SLC2A12: variants seen among roughly 807,000 people sequenced by gnomAD.
The protein encoded by SLC2A12 is solute carrier family 2 member 12.
A neutral mutation model predicts 41.8 loss-of-function variants in SLC2A12; 23 were observed. That is an observed-to-expected ratio of 0.55 (90% CI 0.40 to 0.78). SLC2A12 has a LOEUF of 0.78. SLC2A12 is among the 30% of genes least tolerant of loss of function. The probability of loss-of-function intolerance (pLI) is 0.00; values close to 1 mark genes in which losing one functional copy is unlikely to be tolerated. For synonymous variants in SLC2A12, 295 were observed against 285.9 expected (o/e 1.03, Z -0.32); for missense variants, 654 against 745.6 (o/e 0.88, Z 1.43).
At chr6:134,022,573 GA>G (rs754610697) in intron 2 of SLC2A12, among the ~76,000 whole-genome samples, 3 of 103,186 alleles carry the variant, frequency 2.9e-5, no homozygotes, top group Non-Finnish European at 5.8e-5. Context: ...GAAAAGAAAA[GA>G]AAAGAAAAGA....
intron 1 of SLC2A12, among the ~76,000 whole-genome samples, chr6:134,047,871 T>C (rs1405776990): frequency 6.6e-6 from 1 of 152,220 alleles, no homozygotes; most frequent in Non-Finnish European, 1.5e-5. Context: ...CCGGCTGCTC[T>C]CAGGCTGGCT....
chr6:134,017,968 C>G (rs1184263586), intron 2 of SLC2A12, among the ~76,000 whole-genome samples: 1 of 151,858 alleles, frequency 6.6e-6, no homozygotes, highest in African/African-American at 2.4e-5. Context: ...TGTCTGGTTT[C>G]CTAGGAAGCC....
Position 133,988,869 on chromosome 6 carries a change from T to G in SLC2A12, c.*2286A>C, listed in dbSNP as rs1402898139. On this transcript the variant is annotated 3_prime_UTR_variant, in exon 5 of 5. Coordinates refer to ENST00000275230, the MANE Select transcript of SLC2A12 (RefSeq NM_145176.3). Reference sequence around the variant, plus strand: ...TTTTTCATTTAGTTTTAATTAACAGTAATAAGTCACCTCCTGTTTTTCAAT... The same window carrying G: ...TTTTTCATTTAGTTTTAATTAACAGGAATAAGTCACCTCCTGTTTTTCAAT... 1 of 152,146 alleles carries G rather than the reference T, an allele frequency of 6.6e-6. No individual in the cohort carries two copies. 9.4% of individuals were successfully genotyped at this position (152,146 alleles called of 1,614,324 possible). A position where few individuals can be genotyped will look rare whatever the true frequency, so the allele number is the denominator to read the frequency against.
intron 1 of SLC2A12, among the ~76,000 whole-genome samples, chr6:134,034,239 C>A (rs1237596185): frequency 1.3e-5 from 2 of 152,164 alleles, no homozygotes; most frequent in South Asian, 4.1e-4. Context: ...GAACCCTAGT[C>A]CCACATGGAC....
chr6:134,028,741 C>T lies in SLC2A12; in HGVS notation c.1084G>A (p.Gly362Ser). The change falls in exon 2 of 5, where the codon GGC becomes AGC. Residue 362 changes from glycine (G) to serine (S), a missense_variant. Transcript: ENST00000275230. Reference sequence around the variant, plus strand: ...ATGTGGATGTTGAGATTTACGATGCCCATGGTCACCAACGAAGCTGCCATC... The same window carrying T: ...ATGTGGATGTTGAGATTTACGATGCTCATGGTCACCAACGAAGCTGCCATC... ...SVMAASLVTM[G>S]IVNLNIHMNF... 2 of 1,614,094 alleles carry T rather than the reference C, an allele frequency of 1.2e-6. No individual in the cohort carries two copies. Among genetic ancestry groups the T allele is most frequent in the East Asian group, 2.2e-5 (1 of 44,874 alleles).
chr6:134,030,738 C>T (rs564979727), intron 1 of SLC2A12, among the ~76,000 whole-genome samples: 1 of 152,220 alleles, frequency 6.6e-6, no homozygotes, highest in African/African-American at 2.4e-5. Flanking sequence ...ACATTGTGAG[C>T]CTGGAGCGGT....
intron 1 of SLC2A12, among the ~76,000 whole-genome samples, chr6:134,035,346 A>C (rs1242997743): frequency 6.6e-6 from 1 of 152,006 alleles, no homozygotes; most frequent in Non-Finnish European, 1.5e-5. Context: ...AAACCTAAAA[A>C]GGTCACTCTC....
At chr6:134,007,258 G>A (rs1776826913) in intron 2 of SLC2A12, among the ~76,000 whole-genome samples, 1 of 152,258 alleles carries the variant, frequency 6.6e-6, no homozygotes, top group Non-Finnish European at 1.5e-5. Context: ...CTGCCTGGCA[G>A]CAACAAGAGA....
At chr6:134,030,334 G>C (rs1777186210) in intron 1 of SLC2A12, among the ~76,000 whole-genome samples, 1 of 152,114 alleles carries the variant, frequency 6.6e-6, no homozygotes, top group Admixed American at 6.6e-5. Flanking sequence ...GTGTGTGAAT[G>C]CCTTAACAAA....
chr6:134,036,788 AT>A (rs1353422586), intron 1 of SLC2A12, among the ~76,000 whole-genome samples: 4 of 152,208 alleles, frequency 2.6e-5, no homozygotes, highest in Non-Finnish European at 2.9e-5. Flanking sequence ...CTGAATAGCA[AT>A]CCATTAGCAT....
intron 2 of SLC2A12, among the ~76,000 whole-genome samples, chr6:134,021,093 AT>A (rs1219867186): frequency 6.6e-6 from 1 of 152,220 alleles, no homozygotes; most frequent in African/African-American, 2.4e-5. Flanking sequence ...TCAGAAAGAT[AT>A]TTTTTAAAAA....
intron 3 of SLC2A12, among the ~76,000 whole-genome samples, chr6:134,003,778 C>G (rs1006871328): frequency 6.6e-6 from 1 of 152,170 alleles, no homozygotes; most frequent in Non-Finnish European, 1.5e-5. Context: ...AGATGTTTTA[C>G]TCAGAGCTGA....
intron 2 of SLC2A12, among the ~76,000 whole-genome samples, chr6:134,027,058 G>A (rs1464319346): frequency 2.6e-5 from 4 of 152,204 alleles, no homozygotes; most frequent in African/African-American, 9.6e-5. Flanking sequence ...AAACCTGCTG[G>A]TTGCTGACCA....
chr6:133,999,856 A>G (rs958287639), intron 4 of SLC2A12, among the ~76,000 whole-genome samples: 1 of 152,190 alleles, frequency 6.6e-6, no homozygotes, highest in Admixed American at 6.6e-5. Context: ...ATAAGGAAGG[A>G]TGAGAAATGG....
intron 1 of SLC2A12, among the ~76,000 whole-genome samples, chr6:134,037,892 C>T (rs1777325447): frequency 6.6e-6 from 1 of 152,172 alleles, no homozygotes; most frequent in African/African-American, 2.4e-5. Flanking sequence ...AGGGAGAGTT[C>T]TGGTGTGGTG....
chr6:134,029,169 G>C lies in SLC2A12; in HGVS notation c.656C>G (p.Pro219Arg). 6.2e-7 allele frequency: 1 copy of C among 1,614,082 alleles called. No homozygotes were observed. The highest frequency in any genetic ancestry group is 8.5e-7 in the Non-Finnish European group (1 of 1,180,034). ...LQAIAMYFLP[P>R]SPRFLVMKGQ... is the part of the protein sequence containing the mutation. ...TTTCATCACCAGAAACCGAGGGCTT[G>C]GAGGAAGAAAATACATTGCAATTGC... Residue 219 changes from proline (P) to arginine (R), a missense_variant, in exon 2 of 5, where the codon CCA becomes CGA. By Grantham distance (103) the Pro-to-Arg change is moderately radical. Around this residue, in one of 3 missense-constraint regions of SLC2A12, gnomAD observed 411 missense variants for 412.1 expected, o/e 1.00. Coordinates refer to ENST00000275230, the MANE Select transcript of SLC2A12 (RefSeq NM_145176.3).
rs1777052067 is a variant in SLC2A12 at position 134,022,409 on chromosome 6, T to TA, written c.1444+5971dup. Among the ~76,000 whole-genome samples the TA allele has an allele frequency of 2.0e-5, 3 of 152,092 alleles. No individual in the cohort carries two copies. In the South Asian group the frequency reaches 6.2e-4, roughly 32 times the overall value. On this transcript the variant is annotated intron_variant, in intron 2 of 4. Coordinates refer to ENST00000275230, the MANE Select transcript of SLC2A12 (RefSeq NM_145176.3). Reference sequence around the variant, plus strand: ...AGCTGGGCATGGTGGCAGGTGCCTATAATCCCAGCTACTTGGGAGGCTGAG... The same window carrying TA: ...AGCTGGGCATGGTGGCAGGTGCCTATAAATCCCAGCTACTTGGGAGGCTGAG...
At chr6:134,030,289 G>T (rs1475801331) in intron 1 of SLC2A12, among the ~76,000 whole-genome samples, 2 of 152,148 alleles carry the variant, frequency 1.3e-5, no homozygotes, top group Non-Finnish European at 1.5e-5. Flanking sequence ...AACACATGAG[G>T]GTGTTGGGGC....
At chr6:134,042,678 C>A (rs1304336573) in intron 1 of SLC2A12, among the ~76,000 whole-genome samples, 1 of 152,126 alleles carries the variant, frequency 6.6e-6, no homozygotes, top group East Asian at 1.9e-4. Context: ...TTATAAGAAA[C>A]TCCTGGCTGG....
Sources: allele counts gnomAD v4.1 joint callset (sites outside exome capture counted in the v4.1 genomes callset), GRCh38; gene constraint gnomAD v4.1.1; regional missense constraint gnomAD v4.1.1; transcripts MANE v1.5; gene names NCBI Gene and HGNC (gene_info 2026-07-23, HGNC 2026-07-21).